Variants in RAP1A observed in about 807,000 individuals in gnomAD.
RAP1A encodes the protein ras-related protein Rap-1A.
Under a neutral mutation model 26.4 loss-of-function variants are expected in RAP1A, and 6 were observed. The observed-to-expected ratio is 0.23, with a 90% CI of 0.12 to 0.45. The LOEUF is 0.45. Ranked by LOEUF, RAP1A falls within the 20% of genes least tolerant of loss-of-function variation. The pLI is 0.99. For missense variants in RAP1A, 121 were observed against 217.2 expected (o/e 0.56, Z 2.78); for synonymous variants, 73 against 79.4 (o/e 0.92, Z 0.43).
intron 1 of RAP1A, among the ~76,000 whole-genome samples, chr1:111,659,143 T>C (rs1660554613): frequency 1.3e-5 from 2 of 152,306 alleles, no homozygotes; most frequent in Middle Eastern, 3.4e-3. Flanking sequence ...CACTTACCCA[T>C]GGAGGATACA....
chr1:111,689,580 G>A (rs1357215986), intron 1 of RAP1A, among the ~76,000 whole-genome samples: 1 of 151,774 alleles, frequency 6.6e-6, no homozygotes, highest in African/African-American at 2.4e-5. Flanking sequence ...ATTTTTGAGC[G>A]TATTTATAAT....
rs148925709 is a variant in RAP1A at position 111,551,828 on chromosome 1, A to G, written c.-28+9319A>G. ...AACTTTATTGGGGCATGCCTTCAGCACTCAGCCGAGCGGTTTACAGTTCGG... is the reference window on the plus strand; with the variant it reads ...AACTTTATTGGGGCATGCCTTCAGCGCTCAGCCGAGCGGTTTACAGTTCGG... On this transcript the variant is annotated intron_variant, in intron 1 of 7. Coordinates refer to the RAP1A transcript ENST00000356415. 5.5e-3 allele frequency among the ~76,000 whole-genome samples: 838 copies of G among 151,338 alleles called. 17 individuals carry two copies. The highest frequency in any genetic ancestry group is 0.048 in the Admixed American group (728 of 15,154).
intron 1 of RAP1A, among the ~76,000 whole-genome samples, chr1:111,610,520 C>T (rs1305699815): frequency 6.7e-6 from 1 of 148,540 alleles, no homozygotes; most frequent in African/African-American, 2.5e-5. Flanking sequence ...TATTCCACTA[C>T]TTCCCTCCAC....
chr1:111,549,852 T>C (rs1657191344), intron 1 of RAP1A, among the ~76,000 whole-genome samples: 2 of 152,034 alleles, frequency 1.3e-5, no homozygotes, highest in Non-Finnish European at 2.9e-5. Flanking sequence ...AGGGTGTTGC[T>C]ATGTTGCACA....
At chr1:111,677,753 C>G (rs1036640328) in intron 1 of RAP1A, among the ~76,000 whole-genome samples, 4 of 152,140 alleles carry the variant, frequency 2.6e-5, no homozygotes, top group African/African-American at 9.7e-5. Flanking sequence ...AGGATCTAGA[C>G]TTGGAAGTCA....
At chr1:111,668,823 G>A (rs1660880020) in intron 1 of RAP1A, among the ~76,000 whole-genome samples, 1 of 152,012 alleles carries the variant, frequency 6.6e-6, no homozygotes, top group Non-Finnish European at 1.5e-5. Flanking sequence ...AGCCCAAGGA[G>A]TTCGAGACCA....
At chr1:111,650,254 A>C (rs1660222957) in intron 1 of RAP1A, among the ~76,000 whole-genome samples, 1 of 152,110 alleles carries the variant, frequency 6.6e-6, no homozygotes, top group South Asian at 2.1e-4. Context: ...ATAAATAGCT[A>C]GTTATGTCTG....
At chr1:111,675,451 G>A (rs1280924476) in intron 1 of RAP1A, among the ~76,000 whole-genome samples, 1 of 151,974 alleles carries the variant, frequency 6.6e-6, no homozygotes, top group African/African-American at 2.4e-5. Context: ...CAGCCTGGGC[G>A]ACAGAGTGAG....
chr1:111,709,829 A>G (rs1049416137), intron 7 of RAP1A, among the ~76,000 whole-genome samples: 1 of 152,214 alleles, frequency 6.6e-6, no homozygotes, highest in African/African-American at 2.4e-5. Context: ...TATTTATGTT[A>G]AATGTATCAG....
At chr1:111,675,777 G>T (rs1661107596) in intron 1 of RAP1A, among the ~76,000 whole-genome samples, 1 of 152,162 alleles carries the variant, frequency 6.6e-6, no homozygotes, top group Non-Finnish European at 1.5e-5. Context: ...TCATGCTGCT[G>T]ATAAAGACAT....
intron 1 of RAP1A, among the ~76,000 whole-genome samples, chr1:111,571,496 G>T (rs1195500382): frequency 2.0e-5 from 3 of 152,220 alleles, no homozygotes; most frequent in African/African-American, 7.2e-5. Flanking sequence ...TCCAGATGTG[G>T]TTAAAGGGGT....
chr1:111,662,170 C>T (rs1660658667), intron 1 of RAP1A, among the ~76,000 whole-genome samples: 1 of 151,788 alleles, frequency 6.6e-6, no homozygotes, highest in South Asian at 2.1e-4. Flanking sequence ...CCGAGGCGGG[C>T]AGATCATGAG....
At chr1:111,583,862 T>C (rs1162597706) in intron 1 of RAP1A, among the ~76,000 whole-genome samples, 1 of 147,702 alleles carries the variant, frequency 6.8e-6, no homozygotes, top group Non-Finnish European at 1.5e-5. Flanking sequence ...CAACTGTCTA[T>C]ACAATTGTTA....
chr1:111,601,783 T>C (rs1275441025), intron 1 of RAP1A, among the ~76,000 whole-genome samples: 1 of 152,142 alleles, frequency 6.6e-6, no homozygotes, highest in African/African-American at 2.4e-5. Context: ...AAAATAATAA[T>C]ACCTTCCTCA....
At chr1:111,666,263 G>GA (rs1660792682) in intron 1 of RAP1A, among the ~76,000 whole-genome samples, 1 of 152,074 alleles carries the variant, frequency 6.6e-6, no homozygotes, top group South Asian at 2.1e-4. Context: ...TTATCCTTCA[G>GA]AAAAAAATTC....
intron 1 of RAP1A, among the ~76,000 whole-genome samples, chr1:111,656,622 C>A (rs954537867): frequency 1.3e-5 from 2 of 152,152 alleles, no homozygotes; most frequent in Non-Finnish European, 2.9e-5. Context: ...TTCTCAGTCG[C>A]ATCTTAATTT....
At chr1:111,556,683 T>G (rs1409053602) in intron 1 of RAP1A, among the ~76,000 whole-genome samples, 3 of 152,140 alleles carry the variant, frequency 2.0e-5, no homozygotes, top group African/African-American at 7.2e-5. Context: ...TCCATTTATA[T>G]GAGGTACTTA....
At chr1:111,641,087 G>GCTGTGTATCCTTACAGAAGTTTC (rs1308750832) in intron 1 of RAP1A, among the ~76,000 whole-genome samples, 2 of 152,198 alleles carry the variant, frequency 1.3e-5, no homozygotes, top group African/African-American at 2.4e-5. Context: ...TTATCAGTTT[G>GCTGTGTATCCTTACAGAAGTTTC]CTGTGTATCC....
chr1:111,713,261 C>G lies in RAP1A; in HGVS notation c.*860C>G, dbSNP rs2101324590. On this transcript the variant is annotated 3_prime_UTR_variant, in exon 8 of 8. Transcript: ENST00000369709. Reference sequence around the variant, plus strand: ...CTATACTAAGTAACTGGTGATTTCTCTAGGAACAGACCTCGCACTTTCTGT... The same window carrying G: ...CTATACTAAGTAACTGGTGATTTCTGTAGGAACAGACCTCGCACTTTCTGT... 1 of 152,318 alleles carries G rather than the reference C, an allele frequency of 6.6e-6. No homozygotes were observed. The highest frequency in any genetic ancestry group is 1.9e-4 in the East Asian group (1 of 5,186). The allele number at this position is 152,318 out of a possible 1,614,324, so 9.4% of individuals were successfully genotyped here. A position where few individuals can be genotyped will look rare whatever the true frequency, so the allele number is the denominator to read the frequency against.
Sources: gnomAD v4.1 joint callset for allele counts (sites outside exome capture counted in the v4.1 genomes callset) on GRCh38, gnomAD v4.1.1 for gene constraint, MANE v1.5 for transcripts, NCBI Gene and HGNC (gene_info 2026-07-23, HGNC 2026-07-21) for gene names.